GRID2: variants seen among roughly 807,000 people sequenced by gnomAD.
The protein encoded by GRID2 is glutamate receptor ionotropic, delta-2.
GRID2 carries 33 observed loss-of-function variants against 114.8 expected under a neutral mutation model. The observed-to-expected ratio is 0.29, with a 90% CI of 0.22 to 0.38. GRID2 has a LOEUF of 0.38. Ranked by LOEUF, GRID2 falls within the 10% of genes least tolerant of loss-of-function variation. GRID2 has a pLI of 1.00. For missense variants in GRID2, 1,184 were observed against 1,257.7 expected, an observed-to-expected ratio of 0.94 and a Z score of 0.89; for synonymous variants, 505 against 449.9, an observed-to-expected ratio of 1.12 and a Z score of -1.55.
At chr4:92,985,709 C>G (rs1338905328) in intron 2 of GRID2, among the ~76,000 whole-genome samples, 2 of 152,236 alleles carry the variant, frequency 1.3e-5, no homozygotes, top group African/African-American at 4.8e-5. Flanking sequence ...AGATATTACA[C>G]TCTTTTCAAT....
intron 2 of GRID2, among the ~76,000 whole-genome samples, chr4:92,703,617 T>TTTTATA (rs375643372): frequency 7.1e-6 from 1 of 141,008 alleles, no homozygotes; most frequent in African/African-American, 2.6e-5. Context: ...AGGAAAAACA[T>TTTTATA]TATATATATA....
chr4:93,343,036 GC>G (rs1248850564), intron 8 of GRID2, among the ~76,000 whole-genome samples: 1 of 152,162 alleles, frequency 6.6e-6, no homozygotes, highest in East Asian at 1.9e-4. Context: ...ATTGTAAAGT[GC>G]AAGAATATGA....
At chr4:93,661,227 G>A (rs1723461541) in intron 14 of GRID2, among the ~76,000 whole-genome samples, 1 of 152,172 alleles carries the variant, frequency 6.6e-6, no homozygotes, top group African/African-American at 2.4e-5. Flanking sequence ...ATGGTCATTT[G>A]CAGAAATGCA....
In GRID2 at chr4:93,633,030, G is replaced by A. The variant is rs141787543; in HGVS notation, c.2360+6595G>A. Reference sequence around the variant, plus strand: ...TTGGCTCTCTGTTTGTCTTTTACTGGTGTATAAGATCTCTTTCTATCTCTC... The same window carrying A: ...TTGGCTCTCTGTTTGTCTTTTACTGATGTATAAGATCTCTTTCTATCTCTC... On this transcript the variant is annotated intron_variant, in intron 14 of 15. Transcript: ENST00000282020. 5.9e-3 allele frequency among the ~76,000 whole-genome samples: 888 copies of A among 150,080 alleles called. 5 individuals carry two copies. Among genetic ancestry groups the A allele is most frequent in the African/African-American group, 0.021 (851 of 41,186 alleles).
intron 14 of GRID2, among the ~76,000 whole-genome samples, chr4:93,666,198 C>T (rs1262217511): frequency 6.6e-6 from 1 of 152,066 alleles, no homozygotes; most frequent in Non-Finnish European, 1.5e-5. Flanking sequence ...TCTGGCATAA[C>T]AATCCATGCT....
intron 3 of GRID2, among the ~76,000 whole-genome samples, chr4:93,102,075 C>A (rs192282104): frequency 2.0e-5 from 3 of 152,090 alleles, no homozygotes; most frequent in Admixed American, 2.0e-4. Flanking sequence ...AATCAAGACC[C>A]TTTCTCTTAC....
rs70940888 is a variant in GRID2, at chr4:92,415,740, GTATATATATATATATATA to G, written c.88+111020_88+111037del. Among the ~76,000 whole-genome samples the G allele has an allele frequency of 8.3e-3, 682 of 82,226 alleles. 14 individuals are homozygous for G. Among genetic ancestry groups the G allele is most frequent in the African/African-American group, 0.022 (541 of 24,462 alleles). 53.9% of individuals were successfully genotyped at this position (82,226 alleles called of 152,430 possible). ...TGTGTGTGTGTGTGTGTGTATGTGT[GTATATATATATATATATA>G]TATATATATATATATATATATATCA... On this transcript the variant is annotated intron_variant, in intron 1 of 15. Transcript: ENST00000282020.
chr4:92,681,122 G>A (rs904659772), intron 2 of GRID2, among the ~76,000 whole-genome samples: 20 of 152,208 alleles, frequency 1.3e-4, no homozygotes, highest in Non-Finnish European at 2.5e-4. Flanking sequence ...TATTGATACT[G>A]TACATTAAGA....
chr4:93,624,584 TA>T (rs1213117009), intron 13 of GRID2, among the ~76,000 whole-genome samples: 4 of 152,180 alleles, frequency 2.6e-5, no homozygotes, highest in African/African-American at 9.6e-5. Flanking sequence ...AAAGATCATT[TA>T]AAAATTTTAT....
chr4:93,070,070 T>G (rs1313922524), intron 2 of GRID2, among the ~76,000 whole-genome samples: 5 of 152,122 alleles, frequency 3.3e-5, no homozygotes, highest in Non-Finnish European at 7.4e-5. Flanking sequence ...CTTTTTATAT[T>G]TAAGTTGCAC....
At chr4:93,620,744 A>T (rs548390405) in intron 13 of GRID2, among the ~76,000 whole-genome samples, 2 of 152,180 alleles carry the variant, frequency 1.3e-5, no homozygotes, top group Non-Finnish European at 2.9e-5. Flanking sequence ...GGAAAATTTC[A>T]AAAAATTTTA....
Position 93,517,996 on chromosome 4 carries a change from CATGTAT to C in GRID2, c.2193+2592_2193+2597del, listed in dbSNP as rs1255925335. Among the ~76,000 whole-genome samples, 30 of 16,070 alleles carry C rather than the reference CATGTAT, an allele frequency of 1.9e-3. 1 individual carries two copies. Among genetic ancestry groups the C allele is most frequent in the African/African-American group, 8.9e-3 (27 of 3,038 alleles). 10.5% of individuals were successfully genotyped at this position (16,070 alleles called of 152,430 possible). A position where few individuals can be genotyped will look rare whatever the true frequency, so the allele number is the denominator to read the frequency against. ...ACATGTACATGTATGTATATACATA[CATGTAT>C]ATGTATGTATATACATACATGTACA... is the stretch of plus-strand genomic sequence containing the variant. On this transcript the variant is annotated intron_variant, in intron 13 of 15. Transcript: ENST00000282020.
chr4:92,874,169 A>C (rs2149449318), intron 2 of GRID2, among the ~76,000 whole-genome samples: 1 of 152,196 alleles, frequency 6.6e-6, no homozygotes, highest in South Asian at 2.1e-4. Flanking sequence ...CTGCACATAT[A>C]ATTGATATTG....
At chr4:92,707,521 T>C (rs777599924) in intron 2 of GRID2, among the ~76,000 whole-genome samples, 12 of 152,028 alleles carry the variant, frequency 7.9e-5, no homozygotes, top group Non-Finnish European at 1.0e-4. Context: ...CTCTAGAGAG[T>C]TGATATTCTA....
intron 1 of GRID2, among the ~76,000 whole-genome samples, chr4:92,461,241 C>T (rs992432697): frequency 6.6e-6 from 1 of 151,816 alleles, no homozygotes; most frequent in African/African-American, 2.4e-5. Context: ...CATGGTAAGT[C>T]CTTAGTTAAC....
chr4:92,564,114 G>T (rs919632391), intron 1 of GRID2, among the ~76,000 whole-genome samples: 1 of 151,760 alleles, frequency 6.6e-6, no homozygotes, highest in African/African-American at 2.4e-5. Flanking sequence ...AAACTCATGG[G>T]TCTGTCTTAC....
intron 14 of GRID2, among the ~76,000 whole-genome samples, chr4:93,658,671 G>A (rs1456559567): frequency 6.6e-6 from 1 of 152,092 alleles, no homozygotes; most frequent in Admixed American, 6.5e-5. Context: ...TAAGCCATCA[G>A]CATTATATTG....
chr4:93,162,927 G>C (rs1241349818), intron 4 of GRID2, among the ~76,000 whole-genome samples: 1 of 151,930 alleles, frequency 6.6e-6, no homozygotes, highest in African/African-American at 2.4e-5. Context: ...ATTCATTCAT[G>C]CTGGCCCACA....
chr4:92,694,057 A>C lies in GRID2; in HGVS notation c.244+103771A>C, dbSNP rs116636557. Among the ~76,000 whole-genome samples the C allele has an allele frequency of 1.4e-3, 218 of 152,306 alleles. 1 individual carries two copies. Among genetic ancestry groups the C allele is most frequent in the African/African-American group, 5.1e-3 (212 of 41,562 alleles). On this transcript the variant is annotated intron_variant, in intron 2 of 15. Coordinates refer to ENST00000282020, the MANE Select transcript of GRID2 (RefSeq NM_001510.4). ...TGGGGAGGAGATAGTGAAGGGGATG[A>C]AAGAATACAAGCATACAAAACAGCA...
Sources: gnomAD v4.1 joint callset for allele counts (sites outside exome capture counted in the v4.1 genomes callset) on GRCh38, gnomAD v4.1.1 for gene constraint, MANE v1.5 for transcripts, NCBI Gene and HGNC (gene_info 2026-07-23, HGNC 2026-07-21) for gene names.